TSHZ3: variants seen among roughly 807,000 people sequenced by gnomAD.
TSHZ3 encodes teashirt homolog 3.
TSHZ3 carries 10 observed loss-of-function variants against 64.5 expected under a neutral mutation model. The ratio of observed to expected loss-of-function variants is 0.16; its 90% confidence interval spans 0.10 to 0.26. The LOEUF is 0.26. Ranked by LOEUF, TSHZ3 falls within the 10% of genes least tolerant of loss-of-function variation. The pLI is 1.00. For missense variants in TSHZ3, 1,242 were observed against 1,421.7 expected (o/e 0.87, Z 2.03); for synonymous variants, 608 against 593.1 (o/e 1.03, Z -0.36).
chr19:31,272,782 G>C (rs542989156), downstream of TSHZ3, among the ~76,000 whole-genome samples: 1 of 152,120 alleles, frequency 6.6e-6, no homozygotes. Context: ...AAGATACTGC[G>C]TACATGTGAT....
chr19:31,250,168 T>C (rs1475898204), intron 1 of TSHZ3, among the ~76,000 whole-genome samples: 1 of 152,354 alleles, frequency 6.6e-6, no homozygotes, highest in African/African-American at 2.4e-5. Context: ...CTCTTAAAAA[T>C]ATATCTTTAA....
rs1002413846 is a variant in TSHZ3 at position 31,169,142 on chromosome 19, G to C, written n.810-12725C>G. Among the ~76,000 whole-genome samples, 3 of 151,714 alleles carry C rather than the reference G, an allele frequency of 2.0e-5. No homozygotes were observed. The East Asian group carries it at 5.8e-4, about 29-fold the overall frequency. On this transcript the variant is annotated intron_variant and non_coding_transcript_variant, in intron 5 of 6. Transcript: ENST00000651361. ...AAAAAAAAAGAGAGAGAGAGAGAGA[G>C]ACTAGTTGTTCAAGCAGAGAAAAAG...
chr19:31,337,103 T>G (rs1325095128), intron 1 of TSHZ3, among the ~76,000 whole-genome samples: 1 of 151,896 alleles, frequency 6.6e-6, no homozygotes, highest in Non-Finnish European at 1.5e-5. Flanking sequence ...TGATTAATTA[T>G]TCCGTCTGAC....
intron 1 of TSHZ3, among the ~76,000 whole-genome samples, chr19:31,303,558 A>C (rs1203897805): frequency 6.6e-6 from 1 of 152,114 alleles, no homozygotes; most frequent in Non-Finnish European, 1.5e-5. Context: ...GGAATCACTC[A>C]AGCATGAGGC....
At chr19:31,319,099 G>A (rs1392322812) in intron 1 of TSHZ3, among the ~76,000 whole-genome samples, 4 of 152,170 alleles carry the variant, frequency 2.6e-5, no homozygotes, top group South Asian at 2.1e-4. Flanking sequence ...AAAAGCAGGC[G>A]TCAAAACTGT....
chr19:31,201,036 A>G (rs1975077814), intron 5 of TSHZ3, among the ~76,000 whole-genome samples: 1 of 152,214 alleles, frequency 6.6e-6, no homozygotes, highest in African/African-American at 2.4e-5. Flanking sequence ...AGTTAAAAAG[A>G]AGAAAATCTC....
rs190009219 is a variant in TSHZ3, at chr19:31,263,709, A to G, written n.64-20834T>C. ...CCTGTGGGTCCCCCCCACTCCTCAC[A>G]TCCCCACCCCTCTCAGCCAGTCCCA... On this transcript the variant is annotated intron_variant and non_coding_transcript_variant, in intron 1 of 6. Transcript: ENST00000651361. Among the ~76,000 whole-genome samples the G allele has an allele frequency of 1.4e-3, 216 of 152,180 alleles. 2 individuals are homozygous for G. The highest frequency in any genetic ancestry group is 0.01 in the Middle Eastern group (3 of 294).
chr19:31,339,278 T>C (rs969637106), intron 1 of TSHZ3, among the ~76,000 whole-genome samples: 1 of 151,296 alleles, frequency 6.6e-6, no homozygotes, highest in Non-Finnish European at 1.5e-5. Flanking sequence ...GGAAAAAAAG[T>C]CAGAAGAGTG....
At chr19:31,248,037 T>C (rs1599603700) in intron 1 of TSHZ3, among the ~76,000 whole-genome samples, 1 of 151,974 alleles carries the variant, frequency 6.6e-6, no homozygotes, top group South Asian at 2.1e-4. Flanking sequence ...AGGCAGCAGG[T>C]AAGAGAAAAT....
chr19:31,196,532 C>T (rs75838811), intron 5 of TSHZ3, among the ~76,000 whole-genome samples: 1,687 of 151,986 alleles, frequency 0.011, 22 homozygotes, highest in Non-Finnish European at 0.017. Flanking sequence ...GACACATTGC[C>T]AGAGTGGATC....
At chr19:31,333,118 A>C (rs1462174825) in intron 1 of TSHZ3, among the ~76,000 whole-genome samples, 1 of 144,972 alleles carries the variant, frequency 6.9e-6, no homozygotes, top group Non-Finnish European at 1.5e-5. Flanking sequence ...ATAAATAAAT[A>C]AATAAATAAA....
rs79911571 is a variant in TSHZ3 at position 31,166,159 on chromosome 19, G to A, written n.810-9742C>T. Among the ~76,000 whole-genome samples, 955 of 152,336 alleles carry A rather than the reference G, an allele frequency of 6.3e-3. 21 individuals are homozygous for A. The East Asian group carries it at 0.071, about 11-fold the overall frequency. On this transcript the variant is annotated intron_variant and non_coding_transcript_variant, in intron 5 of 6. Coordinates refer to the TSHZ3 transcript ENST00000651361. The stretch of plus-strand genomic sequence containing the variant: ...CCCACCAGACAGTGCTCGGGGCTGG[G>A]AGGTTTTGTGCAAGGTAGGTGACAA...
intron 5 of TSHZ3, among the ~76,000 whole-genome samples, chr19:31,199,072 G>A (rs1975034034): frequency 6.6e-6 from 1 of 151,974 alleles, no homozygotes; most frequent in Admixed American, 6.6e-5. Flanking sequence ...AATAGACAAG[G>A]CAGTGGAACA....
chr19:31,319,698 C>T (rs1375076825), intron 1 of TSHZ3, among the ~76,000 whole-genome samples: 2 of 152,170 alleles, frequency 1.3e-5, no homozygotes, highest in African/African-American at 4.8e-5. Context: ...CAAATAACCA[C>T]CATGACAACG....
In TSHZ3 at chr19:31,277,827, T is replaced by C. The variant is rs867318980; in HGVS notation, c.1966A>G (p.Met656Val). The C allele has an allele frequency of 1.3e-6, 2 of 1,571,608 alleles. No homozygotes were observed. Among genetic ancestry groups the C allele is most frequent in the Non-Finnish European group, 8.6e-7 (1 of 1,160,916 alleles). The change falls in exon 2 of 2, where the codon ATG (methionine) becomes GTG (valine). Residue 656 changes from methionine to valine, a missense_variant. Physicochemically the swap from Met to Val is conservative, Grantham distance 21. This residue lies in a region of TSHZ3 where 550 missense variants were observed against 545.1 expected (regional missense o/e 1.01). Coordinates refer to ENST00000240587, the MANE Select transcript of TSHZ3 (RefSeq NM_020856.4). This position sits in a 1 kb window ranked among gnomAD's most constrained non-coding sequence, Gnocchi z 4.5. The part of the protein sequence containing the change: ...CSSEVGEPIK[M>V]EASSDGGFRS... ...AAGCCCCCATCGCTGGATGCCTCCA[T>C]CTTGATGGGTTCCCCGACTTCGCTG...
intron 3 of TSHZ3, among the ~76,000 whole-genome samples, chr19:31,237,334 T>C (rs1975631161): frequency 6.6e-6 from 1 of 152,208 alleles, no homozygotes. Flanking sequence ...TATGTCCTTA[T>C]GATAATATTC....
At chr19:31,301,905 T>C (rs1289880712) in intron 1 of TSHZ3, among the ~76,000 whole-genome samples, 4 of 152,074 alleles carry the variant, frequency 2.6e-5, no homozygotes, top group Non-Finnish European at 5.9e-5. Context: ...GTGTCCCAGA[T>C]ACACGTCTGA....
chr19:31,330,766 C>CGACCCCA (rs1917066446), intron 1 of TSHZ3, among the ~76,000 whole-genome samples: 2 of 151,740 alleles, frequency 1.3e-5, no homozygotes, highest in Admixed American at 1.3e-4. Context: ...GCTGAGAAGG[C>CGACCCCA]GACCCCAGAC....
chr19:31,285,063 G>A (rs1193940348), intron 1 of TSHZ3, among the ~76,000 whole-genome samples: 1 of 152,168 alleles, frequency 6.6e-6, no homozygotes, highest in Non-Finnish European at 1.5e-5. Context: ...GTGATTAAAG[G>A]TCTCTGGGGT....
Sources: gnomAD v4.1 joint callset for allele counts (sites outside exome capture counted in the v4.1 genomes callset) on GRCh38, gnomAD v4.1.1 for gene constraint, gnomAD v4.1.1 regional missense constraint, Gnocchi (gnomAD v3.1) non-coding constraint, MANE v1.5 for transcripts, NCBI Gene and HGNC (gene_info 2026-07-23, HGNC 2026-07-21) for gene names.